The following VWA3B variants were observed in gnomAD, a reference collection of about 807,000 sequenced individuals.
VWA3B encodes von Willebrand factor A domain containing 3B, also known as von Willebrand factor A domain-containing protein 3B.
VWA3B carries 138 observed loss-of-function variants against 158.3 expected under a neutral mutation model. That is an observed-to-expected ratio of 0.87 (90% CI 0.76 to 1.00). The LOEUF (loss-of-function observed/expected upper bound fraction) is 1.00. Ranked by LOEUF, VWA3B falls within the 50% of genes least tolerant of loss-of-function variation. The pLI, the probability that VWA3B is intolerant of heterozygous loss-of-function variation, is 0.00. For synonymous variants in VWA3B, 596 were observed against 587.3 expected (o/e 1.01, Z -0.21); for missense variants, 1,555 against 1,565.1 (o/e 0.99, Z 0.11).
chr2:98,268,674 C>A (rs1337439969), intron 21 of VWA3B, among the ~76,000 whole-genome samples: 1 of 140,942 alleles, frequency 7.1e-6, no homozygotes, highest in African/African-American at 2.5e-5. Flanking sequence ...AATATATCTC[C>A]ATTCCTTTTT....
the VWA3B span, among the ~76,000 whole-genome samples, chr2:98,327,916 G>A: frequency 6.6e-6 from 1 of 152,158 alleles, no homozygotes; most frequent in Non-Finnish European, 1.5e-5. Flanking sequence ...GCTCAGATAG[G>A]GCCCTGACAT....
At chr2:98,299,012 G>C (rs1690014112) in intron 24 of VWA3B, among the ~76,000 whole-genome samples, 1 of 152,218 alleles carries the variant, frequency 6.6e-6, no homozygotes, top group African/African-American at 2.4e-5. Context: ...GGGTTGCAGG[G>C]AGACTGGCCT....
chr2:98,114,937 T>C (rs1321243275), intron 2 of VWA3B, among the ~76,000 whole-genome samples: 1 of 152,212 alleles, frequency 6.6e-6, no homozygotes, highest in Non-Finnish European at 1.5e-5. Flanking sequence ...GGAGAAAATC[T>C]TGTAGTTCTG....
At chr2:98,292,432 G>A (rs780706799) in intron 23 of VWA3B, among the ~76,000 whole-genome samples, 14 of 151,786 alleles carry the variant, frequency 9.2e-5, no homozygotes, top group Non-Finnish European at 1.9e-4. Flanking sequence ...TATTTGAAAC[G>A]TGATAAATGT....
At chr2:98,218,214 G>A (rs1213420386) in intron 14 of VWA3B, among the ~76,000 whole-genome samples, 186 bp downstream of exon 14, 4 of 152,114 alleles carry the variant, frequency 2.6e-5, no homozygotes, top group African/African-American at 9.7e-5. Flanking sequence ...CCTGAGCTAG[G>A]GCACCTGAGC....
chr2:98,226,426 A>G (rs1254822154), intron 14 of VWA3B, among the ~76,000 whole-genome samples: 1 of 152,212 alleles, frequency 6.6e-6, no homozygotes, highest in Non-Finnish European at 1.5e-5. Flanking sequence ...TTAACTCAAA[A>G]TGGAGTGTGG....
chr2:98,165,049 A>G (rs1678948230), intron 8 of VWA3B, among the ~76,000 whole-genome samples: 1 of 152,218 alleles, frequency 6.6e-6, no homozygotes, highest in South Asian at 2.1e-4. Context: ...CACACCAAGC[A>G]GGGACTTGAT....
chr2:98,238,339 C>T (rs1274784969), intron 19 of VWA3B, among the ~76,000 whole-genome samples: 2 of 152,178 alleles, frequency 1.3e-5, no homozygotes, highest in African/African-American at 2.4e-5. Flanking sequence ...GATGTCAACT[C>T]ACCACTTGAA....
intron 6 of VWA3B, among the ~76,000 whole-genome samples, chr2:98,131,674 T>C (rs888187432): frequency 8.5e-5 from 13 of 152,148 alleles, no homozygotes; most frequent in Admixed American, 6.5e-5. Context: ...TTCTTAAGTG[T>C]AGGTGCTCAT....
intron 23 of VWA3B, among the ~76,000 whole-genome samples, 178 bp from the exon 24 acceptor site, chr2:98,297,729 T>C (rs910602581): frequency 5.3e-5 from 8 of 152,138 alleles, no homozygotes; most frequent in African/African-American, 1.9e-4. Context: ...CCACTTTGAA[T>C]TGGTCAACCC....
chr2:98,095,137 GA>G (rs1682626754), intron 2 of VWA3B, among the ~76,000 whole-genome samples: 1 of 152,148 alleles, frequency 6.6e-6, no homozygotes, highest in Non-Finnish European at 1.5e-5. Context: ...CAAATTTAAG[GA>G]TTGTTTTTTC....
intron 5 of VWA3B, 149 bp downstream of exon 5, chr2:98,121,607 G>A (rs1158466835): frequency 8.9e-7 from 1 of 1,117,716 alleles, no homozygotes; most frequent in Non-Finnish European, 1.3e-6. Context: ...TGATGGTGAT[G>A]GCATAGCTGG....
In VWA3B at chr2:98,194,454, A is replaced by G. The variant is rs756100768; in HGVS notation, c.1699A>G (p.Asn567Asp). Residue 567 changes from asparagine to aspartate, a missense_variant, in exon 12 of 28, where the codon AAT (asparagine) becomes GAT (aspartate). Asn to Asp is a conservative substitution (Grantham distance 23). Transcript: ENST00000477737. ...REQLAEVNEDNLEQAQSWIRD... is the reference protein window; with the variant it reads ...REQLAEVNEDDLEQAQSWIRD... Reference sequence around the variant, plus strand: ...ACAACTTGCTGAAGTCAATGAAGATAATTTGGAACAGGCTCAGTCCTGGAT... The same window carrying G: ...ACAACTTGCTGAAGTCAATGAAGATGATTTGGAACAGGCTCAGTCCTGGAT... The G allele has an allele frequency of 2.2e-5, 35 of 1,613,994 alleles. No homozygotes were observed. In the Admixed American group the frequency reaches 5.7e-4, roughly 26 times the overall value.
chr2:98,182,658 G>A (rs1016212484), intron 9 of VWA3B, among the ~76,000 whole-genome samples: 4 of 152,268 alleles, frequency 2.6e-5, no homozygotes, highest in Non-Finnish European at 4.4e-5. Context: ...GGTGGCTTAC[G>A]TCTGTAATCC....
chr2:98,241,414 TGGAGAGGCGGGCAGTCAGGAGGCAGTTGG>T (rs1438676148), intron 19 of VWA3B, among the ~76,000 whole-genome samples: 1 of 151,496 alleles, frequency 6.6e-6, no homozygotes, highest in Non-Finnish European at 1.5e-5. Flanking sequence ...AGAGAATAGT[TGGAGAGGCGGGCAGTCAGGAGGCAGTTGG>T]GGAGATGGGG....
chr2:98,091,360 G>GT (rs1682280730), intron 1 of VWA3B, among the ~76,000 whole-genome samples: 1 of 152,286 alleles, frequency 6.6e-6, no homozygotes, highest in African/African-American at 2.4e-5. Flanking sequence ...AACTGATATG[G>GT]TATGAAGAAG....
In VWA3B at chr2:98,293,634, A is replaced by G. The variant is rs182967246; in HGVS notation, c.3157+3012A>G. Among the ~76,000 whole-genome samples the G allele has an allele frequency of 5.9e-5, 9 of 152,310 alleles. No homozygotes were observed. In the East Asian group the frequency reaches 1.3e-3, roughly 23 times the overall value. On this transcript the variant is annotated intron_variant, in intron 23 of 27. Coordinates refer to ENST00000477737, the MANE Select transcript of VWA3B (RefSeq NM_144992.5). The stretch of plus-strand genomic sequence containing the variant: ...TATTATTTTATTCTCTCTTTCATAC[A>G]TATATACACACACCTTATTTTTTAT...
At chr2:98,088,396 G>A (rs140826628) in intron 1 of VWA3B, among the ~76,000 whole-genome samples, 54 of 152,200 alleles carry the variant, frequency 3.5e-4, no homozygotes, top group Admixed American at 1.8e-3. Context: ...CAAGACTGTC[G>A]CCCAGGGCAG....
chr2:98,199,627 A>G (rs934682017), intron 12 of VWA3B, among the ~76,000 whole-genome samples: 1 of 152,232 alleles, frequency 6.6e-6, no homozygotes, highest in African/African-American at 2.4e-5. Context: ...GACTGTGAGC[A>G]TGCTGGTCCT....
Sources: gnomAD v4.1 joint callset for allele counts (sites outside exome capture counted in the v4.1 genomes callset) on GRCh38, gnomAD v4.1.1 for gene constraint, MANE v1.5 for transcripts, NCBI Gene and HGNC (gene_info 2026-07-23, HGNC 2026-07-21) for gene names.